The following CEPT1 variants were observed in gnomAD, a reference collection of about 807,000 sequenced individuals.
The protein encoded by CEPT1 is choline/ethanolamine phosphotransferase 1.
A neutral mutation model predicts 42.6 loss-of-function variants in CEPT1; 7 were observed. The observed-to-expected ratio is 0.16, with a 90% confidence interval of 0.09 to 0.31. The LOEUF (loss-of-function observed/expected upper bound fraction) is 0.31, where lower values mean the gene tolerates loss of function less well. CEPT1 is among the 10% of genes least tolerant of loss of function. The pLI is 1.00. For missense variants in CEPT1, 306 were observed against 502.1 expected (o/e 0.61, Z 3.73); for synonymous variants, 171 against 171.9 (o/e 0.99, Z 0.04).
In CEPT1 at chr1:111,147,651, A is replaced by G. The variant is rs1655043719; in HGVS notation, c.-64A>G. The stretch of plus-strand genomic sequence containing the variant: ...TTATTTTATTTTTTAGGTAAGCACC[A>G]GCCACAAAAACCTACAAAAGAAGGG... On this transcript the variant is annotated 5_prime_UTR_variant, in exon 2 of 9. Transcript: ENST00000357172. 1.7e-6 allele frequency: 2 copies of G among 1,187,520 alleles called. No homozygotes were observed. Among genetic ancestry groups the G allele is most frequent in the Non-Finnish European group, 2.4e-6 (2 of 847,482 alleles). The allele number at this position is 1,187,520 out of a possible 1,614,324, so 73.6% of individuals were successfully genotyped here.
intron 2 of CEPT1, among the ~76,000 whole-genome samples, chr1:111,153,065 C>T (rs1655368758): frequency 1.3e-5 from 2 of 152,118 alleles, no homozygotes; most frequent in South Asian, 4.1e-4. Flanking sequence ...AGCACTAGAA[C>T]TTACTCCTCC....
At chr1:111,182,148 G>T (rs1657024383) in intron 5 of CEPT1, 39 bp from the exon 6 acceptor site, 7 of 1,482,018 alleles carry the variant, frequency 4.7e-6, no homozygotes, top group Non-Finnish European at 5.5e-6. Context: ...ATTTTAGTTT[G>T]TATATGTTTT....
Position 111,161,309 on chromosome 1 carries a change from TA to T in CEPT1, c.629+15del. 5 of 1,585,316 alleles carry T rather than the reference TA, an allele frequency of 3.2e-6. No homozygotes were observed. The highest frequency in any genetic ancestry group is 4.3e-6 in the Non-Finnish European group (5 of 1,167,638). ...TGCGATTTGGAATGTAAGTAATACTTAATGGTAATTTTTGTTTTCTCTTTCA... is the reference window on the plus strand; with the variant it reads ...TGCGATTTGGAATGTAAGTAATACTTATGGTAATTTTTGTTTTCTCTTTCA... On this transcript the variant is annotated intron_variant, in intron 4 of 8. Transcript: ENST00000357172.
chr1:111,155,330 T>G (rs1274341483), intron 2 of CEPT1, among the ~76,000 whole-genome samples: 2 of 152,032 alleles, frequency 1.3e-5, no homozygotes, highest in Non-Finnish European at 2.9e-5. Context: ...TAATGCCTCT[T>G]TTTTTGTGTC....
intron 3 of CEPT1, chr1:111,160,874 C>CG: frequency 2.3e-6 from 1 of 431,668 alleles, no homozygotes; most frequent in Non-Finnish European, 4.2e-6. Context: ...ACTAGTGTCT[C>CG]TAAGTCAGGA....
At chr1:111,164,924 A>G (rs1656060915) in intron 4 of CEPT1, among the ~76,000 whole-genome samples, 3 of 151,574 alleles carry the variant, frequency 2.0e-5, no homozygotes, top group African/African-American at 7.3e-5. Flanking sequence ...CCCGGCCTAT[A>G]TTAGGTTATT....
intron 3 of CEPT1, 31 bp from the exon 4 acceptor site, chr1:111,161,124 T>C (rs1655847829): frequency 5.0e-6 from 8 of 1,613,172 alleles, no homozygotes; most frequent in African/African-American, 1.3e-5. Context: ...ATTCATATTA[T>C]TTGGTTTTCA....
intron 1 of CEPT1, 145 bp downstream of exon 1, chr1:111,140,452 C>T (rs143433270): frequency 1.3e-5 from 2 of 152,640 alleles, no homozygotes; most frequent in Non-Finnish European, 2.9e-5. Context: ...GTCCTTCTTC[C>T]TGGCGCAGGG....
intron 1 of CEPT1, among the ~76,000 whole-genome samples, chr1:111,141,158 A>C (rs1459883022): frequency 6.6e-6 from 1 of 152,224 alleles, no homozygotes; most frequent in Non-Finnish European, 1.5e-5. Context: ...GTGGACAAAG[A>C]ATAAAGATTT....
At chr1:111,161,343 A>T (rs1314612418) in intron 4 of CEPT1, 47 bp downstream of exon 4, 2 of 1,520,514 alleles carry the variant, frequency 1.3e-6, no homozygotes, top group Non-Finnish European at 1.8e-6. Context: ...TCACATATGG[A>T]GAATGTTGCC....
chr1:111,146,598 A>G (rs1388188323), intron 1 of CEPT1, among the ~76,000 whole-genome samples: 2 of 152,044 alleles, frequency 1.3e-5, no homozygotes, highest in East Asian at 3.9e-4. Flanking sequence ...ACTTCAAACC[A>G]TTGAGATCAC....
Position 111,184,298 on chromosome 1 carries a change from T to C in CEPT1, c.1239T>C (p.Ser413=). 9 of 1,611,206 alleles carry C rather than the reference T, an allele frequency of 5.6e-6. No homozygotes were observed. The highest frequency in any genetic ancestry group is 7.6e-6 in the Non-Finnish European group (9 of 1,178,066). The part of the protein sequence containing the change: ...VFRIKVSTAH[S]NHH ...GAATCAAGGTCTCTACAGCTCATTC[T>C]AATCATCATTAATGATGTAATTGGT... Residue 413 remains serine (S), a synonymous_variant, in exon 9 of 9, where the codon TCT becomes TCC. Transcript: ENST00000357172.
chr1:111,171,132 AT>A (rs1322896177), intron 4 of CEPT1, among the ~76,000 whole-genome samples: 1 of 152,228 alleles, frequency 6.6e-6, no homozygotes, highest in East Asian at 1.9e-4. Context: ...ACATCCCTCA[AT>A]TAAAACTGAG....
At chr1:111,162,648 G>A (rs980101077) in intron 4 of CEPT1, among the ~76,000 whole-genome samples, 2 of 152,194 alleles carry the variant, frequency 1.3e-5, no homozygotes, top group Non-Finnish European at 2.9e-5. Flanking sequence ...GTAGTAGGAG[G>A]CGTACTGGAA....
At position 111,161,213 on chromosome 1, in the gene CEPT1, G is replaced by GT; in HGVS notation, c.553dup (p.Cys185LeufsTer28). On this transcript the variant is annotated frameshift_variant, in exon 4 of 9. Transcript: ENST00000357172. LOFTEE classifies it high-confidence loss of function. ...AGCTGGGGACAAACCCTGATTGGAT[G>GT]TTTTTTTGTTGTTTTGCGGGGACAT... is the stretch of plus-strand genomic sequence containing the variant. 6.2e-7 allele frequency: 1 copy of GT among 1,613,894 alleles called. No individual in the cohort carries two copies.
At chr1:111,156,454 C>T (rs1156967631) in intron 2 of CEPT1, among the ~76,000 whole-genome samples, 2 of 152,248 alleles carry the variant, frequency 1.3e-5, no homozygotes, top group Admixed American at 1.3e-4. Context: ...TTCAATGTTA[C>T]TTTGTTGGTT....
intron 4 of CEPT1, chr1:111,167,865 T>C (rs1300390970): frequency 4.5e-6 from 3 of 666,782 alleles, no homozygotes; most frequent in Non-Finnish European, 5.6e-6. Context: ...TTCTCTAATG[T>C]ACTGCTAAAA....
chr1:111,180,347 T>G (rs2101401977), intron 5 of CEPT1: 1 of 152,278 alleles, frequency 6.6e-6, no homozygotes, highest in East Asian at 1.9e-4. Context: ...AGCCACAGTA[T>G]TGAGTTTCAG....
At position 111,165,044 on chromosome 1, in the gene CEPT1, C is replaced by CTTTTTT. The variant is rs11323094; in HGVS notation, c.629+3766_629+3771dup. ...AACTATACTTACATAAAACATCGGT[C>CTTTTTT]TTTTTTTTTTTTTTTTTTTTTTTGA... On this transcript the variant is annotated intron_variant, in intron 4 of 8. Transcript: ENST00000357172. Among the ~76,000 whole-genome samples, 132 of 83,982 alleles carry CTTTTTT rather than the reference C, an allele frequency of 1.6e-3. 7 individuals are homozygous for CTTTTTT. Among genetic ancestry groups the CTTTTTT allele is most frequent in the African/African-American group, 3.4e-3 (68 of 20,134 alleles). The allele number at this position is 83,982 out of a possible 152,430, so 55.1% of individuals were successfully genotyped here. A position where few individuals can be genotyped will look rare whatever the true frequency, so the allele number is the denominator to read the frequency against.
Sources: gnomAD v4.1 joint callset for allele counts (sites outside exome capture counted in the v4.1 genomes callset) on GRCh38, gnomAD v4.1.1 for gene constraint, MANE v1.5 for transcripts, NCBI Gene and HGNC (gene_info 2026-07-23, HGNC 2026-07-21) for gene names.